Variants in CIBAR1 observed in about 807,000 individuals in gnomAD.
CIBAR1 encodes the protein CBY1 interacting BAR domain containing 1, also known as CBY1-interacting BAR domain-containing protein 1.
Under a neutral mutation model 44.0 loss-of-function variants are expected in CIBAR1, and 25 were observed. The observed-to-expected ratio is 0.57, with a 90% confidence interval of 0.41 to 0.79. The LOEUF (loss-of-function observed/expected upper bound fraction) is 0.79. Ranked by LOEUF, CIBAR1 falls within the 30% of genes least tolerant of loss-of-function variation. CIBAR1 has a pLI of 0.00. For missense variants in CIBAR1, 278 were observed against 344.8 expected, an observed-to-expected ratio of 0.81 and a Z score of 1.53; for synonymous variants, 115 against 119.0, an observed-to-expected ratio of 0.97 and a Z score of 0.22.
chr8:93,700,824 T>G lies in CIBAR1; in HGVS notation c.26+151T>G. The G allele has an allele frequency of 2.3e-6, 3 of 1,324,156 alleles. No homozygotes were observed. The South Asian group carries it at 7.1e-5, about 32-fold the overall frequency. 82.0% of individuals were successfully genotyped at this position (1,324,156 alleles called of 1,614,324 possible). The stretch of plus-strand genomic sequence containing the variant: ...CCGCTGTGACCTGGGGCCTAATTCC[T>G]TGGGCTGCAGCCACCGCCGGCGGCG... On this transcript the variant is annotated intron_variant, in intron 1 of 8. Coordinates refer to ENST00000518322, the MANE Select transcript of CIBAR1 (RefSeq NM_145269.5).
intron 7 of CIBAR1, among the ~76,000 whole-genome samples, chr8:93,722,418 G>T (rs1297976971): frequency 6.6e-6 from 1 of 152,206 alleles, no homozygotes. Context: ...AGTACTGTCA[G>T]CTGGGCGCGG....
intron 2 of CIBAR1, chr8:93,702,129 C>T (rs772402802): frequency 6.8e-6 from 2 of 295,074 alleles, no homozygotes; most frequent in Non-Finnish European, 1.4e-5. Flanking sequence ...CAGAAGTTGC[C>T]CAGTTAGAAC....
At chr8:93,716,367 A>G (rs1586278230) in intron 6 of CIBAR1, among the ~76,000 whole-genome samples, 1 of 150,826 alleles carries the variant, frequency 6.6e-6, no homozygotes. Flanking sequence ...TTTTTTTTTT[A>G]ATATGACAAT....
chr8:93,725,427 C>T (rs1262109315), intron 7 of CIBAR1, among the ~76,000 whole-genome samples: 1 of 151,594 alleles, frequency 6.6e-6, no homozygotes, highest in African/African-American at 2.4e-5. Context: ...GGAAGGGGGT[C>T]AGTGAGGATG....
intron 7 of CIBAR1, chr8:93,720,955 C>G (rs1282092558): frequency 6.6e-6 from 1 of 152,102 alleles, no homozygotes; most frequent in East Asian, 1.9e-4. Context: ...TTTGAGTCAG[C>G]TACTGATCTT....
chr8:93,724,986 CTTTTT>C (rs879270732), intron 7 of CIBAR1, among the ~76,000 whole-genome samples: 2 of 151,300 alleles, frequency 1.3e-5, no homozygotes, highest in African/African-American at 4.8e-5. Context: ...TTCAGAGAAA[CTTTTT>C]TTTTGAGACA....
chr8:93,721,978 G>A (rs913558594), intron 7 of CIBAR1, among the ~76,000 whole-genome samples: 1 of 152,138 alleles, frequency 6.6e-6, no homozygotes, highest in Non-Finnish European at 1.5e-5. Flanking sequence ...AGGCAGGACT[G>A]TTGTGAAGAA....
At chr8:93,723,587 A>T (rs1811356539) in intron 7 of CIBAR1, among the ~76,000 whole-genome samples, 1 of 151,916 alleles carries the variant, frequency 6.6e-6, no homozygotes, top group Non-Finnish European at 1.5e-5. Context: ...TTAACTGTTA[A>T]CATCATTCAT....
chr8:93,726,273 G>T, intron 7 of CIBAR1, 121 bp from the exon 8 acceptor site: 19 of 780,546 alleles, frequency 2.4e-5, no homozygotes, highest in South Asian at 4.4e-5. Context: ...ACAATAATTG[G>T]AATTTTGTCC....
At position 93,724,551 on chromosome 8, in the gene CIBAR1, C is replaced by G. The variant is rs1307859325; in HGVS notation, c.658-1843C>G. The G allele has an allele frequency of 3.2e-6, 4 of 1,240,178 alleles. No individual in the cohort carries two copies. In the South Asian group the frequency reaches 3.8e-5, roughly 12 times the overall value. The allele number at this position is 1,240,178 out of a possible 1,614,324, so 76.8% of individuals were successfully genotyped here. ...TGTTGCCCAGGCTGGTCTTGAACTC[C>G]TGGGGCTCAAGCGATCCGCCTGCGT... On this transcript the variant is annotated intron_variant, in intron 7 of 8. Coordinates refer to ENST00000518322, the MANE Select transcript of CIBAR1 (RefSeq NM_145269.5).
rs1231426064 is a variant in CIBAR1 at position 93,728,632 on chromosome 8, T to G, written c.*335T>G. The G allele has an allele frequency of 1.8e-5, 3 of 164,596 alleles. No homozygotes were observed. Among genetic ancestry groups the G allele is most frequent in the Non-Finnish European group, 3.9e-5 (3 of 76,688 alleles). 10.2% of individuals were successfully genotyped at this position (164,596 alleles called of 1,614,324 possible). ...AAACCAAAAGATCTAACAATTCTGC[T>G]TAGCTTTTTGGTTAAGACTCCATGC... On this transcript the variant is annotated 3_prime_UTR_variant, in exon 9 of 9. Transcript: ENST00000518322.
chr8:93,711,291 A>G (rs1342796372), intron 6 of CIBAR1, among the ~76,000 whole-genome samples: 3 of 152,214 alleles, frequency 2.0e-5, no homozygotes. Flanking sequence ...ACTACTATTG[A>G]CAAATCTTCC....
At position 93,708,021 on chromosome 8, in the gene CIBAR1, GT is replaced by G; in HGVS notation, c.438+6del. ...TATGAAAAATTTCAGTCACAGGTGGGTAATAAAGTGGTGTGTCAAGAAATGG... is the reference window on the plus strand; with the variant it reads ...TATGAAAAATTTCAGTCACAGGTGGGAATAAAGTGGTGTGTCAAGAAATGG... On this transcript the variant is annotated splice_donor_region_variant and intron_variant, in intron 5 of 8. Coordinates refer to ENST00000518322, the MANE Select transcript of CIBAR1 (RefSeq NM_145269.5). The G allele has an allele frequency of 1.3e-6, 2 of 1,565,128 alleles. No individual in the cohort carries two copies. The highest frequency in any genetic ancestry group is 1.7e-6 in the Non-Finnish European group (2 of 1,159,524).
At chr8:93,701,184 T>TA in intron 1 of CIBAR1, 40 bp from the exon 2 acceptor site, 1 of 1,585,194 alleles carries the variant, frequency 6.3e-7, no homozygotes, top group Non-Finnish European at 8.6e-7. Flanking sequence ...TTCTCATCTC[T>TA]AACGAGAATG....
At chr8:93,706,761 G>C (rs1289098981) in intron 4 of CIBAR1, among the ~76,000 whole-genome samples, 1 of 152,086 alleles carries the variant, frequency 6.6e-6, no homozygotes, top group Non-Finnish European at 1.5e-5. Context: ...GTGCTCACTG[G>C]GTAAGATCTG....
Position 93,726,488 on chromosome 8 carries a change from C to G in CIBAR1, c.752C>G (p.Ala251Gly). The G allele has an allele frequency of 6.2e-7, 1 of 1,613,692 alleles. No individual in the cohort carries two copies. ...SKSPLQRSLS[A>G]KCVSGTGQVS... ...TCACCTCTTCAGAGATCACTGTCAG[C>G]TAAGTGTGTATCTGGAACAGGACAG... Residue 251 changes from alanine to glycine, a missense_variant, in exon 8 of 9, where the codon GCT becomes GGT. By Grantham distance (60) the Ala-to-Gly change is moderately conservative. Around this residue, in one of 3 missense-constraint regions of CIBAR1, gnomAD observed 93 missense variants for 108.9 expected, o/e 0.85. Coordinates refer to ENST00000518322, the MANE Select transcript of CIBAR1 (RefSeq NM_145269.5).
In CIBAR1 at chr8:93,727,262, C is replaced by T. The variant is rs1160572591; in HGVS notation, c.777+749C>T. 2.8e-5 allele frequency: 31 copies of T among 1,122,950 alleles called. No individual in the cohort carries two copies. The South Asian group carries it at 3.9e-4, about 14-fold the overall frequency. The allele number at this position is 1,122,950 out of a possible 1,614,324, so 69.6% of individuals were successfully genotyped here. ...ACTTTTAGGTAAATTTGATACCATACTTTCTATTTTCATTTGATTCTCCTG... is the reference window on the plus strand; with the variant it reads ...ACTTTTAGGTAAATTTGATACCATATTTTCTATTTTCATTTGATTCTCCTG... On this transcript the variant is annotated intron_variant, in intron 8 of 8. Transcript: ENST00000518322.
intron 6 of CIBAR1, among the ~76,000 whole-genome samples, chr8:93,714,759 CA>C (rs1810976711): frequency 6.6e-6 from 1 of 152,024 alleles, no homozygotes; most frequent in Admixed American, 6.6e-5. Context: ...GCTGGGATTA[CA>C]GGTGTAAGCT....
rs568569104 is a variant in CIBAR1 at position 93,702,878 on chromosome 8, G to GA, written c.262-734dup. The stretch of plus-strand genomic sequence containing the variant: ...CAATTGAATACATCACCTATCTTGA[G>GA]AAAAAAAATTTTAATGTCCAAGAGT... On this transcript the variant is annotated intron_variant, in intron 2 of 8. Transcript: ENST00000518322. 2.1e-3 allele frequency among the ~76,000 whole-genome samples: 320 copies of GA among 151,784 alleles called. 1 individual carries two copies. Among genetic ancestry groups the GA allele is most frequent in the African/African-American group, 6.6e-3 (273 of 41,416 alleles).
Sources: allele counts gnomAD v4.1 joint callset (sites outside exome capture counted in the v4.1 genomes callset), GRCh38; gene constraint gnomAD v4.1.1; regional missense constraint gnomAD v4.1.1; transcripts MANE v1.5; gene names NCBI Gene and HGNC (gene_info 2026-07-23, HGNC 2026-07-21).